Variants in SEMA3A observed in about 807,000 individuals in gnomAD.
SEMA3A encodes the protein semaphorin-3A.
In SEMA3A, 29 loss-of-function variants were observed where a neutral mutation model predicts 97.9. That is an observed-to-expected ratio of 0.30 (90% CI 0.22 to 0.40). The LOEUF is 0.40. Among genes scored for constraint, SEMA3A ranks in the 10% least tolerant of loss-of-function variants. SEMA3A has a pLI of 1.00. For synonymous variants in SEMA3A, 321 were observed against 323.7 expected (o/e 0.99, Z 0.09); for missense variants, 763 against 951.3 (o/e 0.80, Z 2.60).
At chr7:84,085,418 C>T (rs1524881) in intron 4 of SEMA3A, among the ~76,000 whole-genome samples, 62,535 of 151,124 alleles carry the variant, frequency 0.41, 14,788 homozygotes, top group Non-Finnish European at 0.52. Flanking sequence ...AAAAAGTAAA[C>T]TAGTGGGCTG....
intron 1 of SEMA3A, among the ~76,000 whole-genome samples, chr7:84,177,586 A>G (rs1352158839): frequency 2.6e-5 from 4 of 152,112 alleles, no homozygotes; most frequent in Non-Finnish European, 5.9e-5. Context: ...CTCACTTTTT[A>G]TAAAGTATAT....
At chr7:84,278,962 T>C (rs1015709084) in intron 3 of SEMA3A, among the ~76,000 whole-genome samples, 1 of 152,116 alleles carries the variant, frequency 6.6e-6, no homozygotes, top group South Asian at 2.1e-4. Flanking sequence ...GAGATGATAA[T>C]AGTAATTATT....
At chr7:84,296,626 T>C (rs1268773030) in intron 3 of SEMA3A, among the ~76,000 whole-genome samples, 2 of 152,146 alleles carry the variant, frequency 1.3e-5, no homozygotes, top group East Asian at 1.9e-4. Flanking sequence ...TTTTTTCTAA[T>C]GGTATAAACA....
intron 5 of SEMA3A, among the ~76,000 whole-genome samples, chr7:84,057,761 T>G (rs915335648): frequency 6.7e-6 from 1 of 150,290 alleles, no homozygotes; most frequent in Non-Finnish European, 1.5e-5. Context: ...GATAAATAAA[T>G]AAATAAATAA....
intron 4 of SEMA3A, among the ~76,000 whole-genome samples, chr7:84,097,744 T>C (rs1327929408): frequency 6.6e-6 from 1 of 152,190 alleles, no homozygotes; most frequent in Non-Finnish European, 1.5e-5. Flanking sequence ...TACCAAATAT[T>C]CTATCATTTT....
chr7:84,041,025 T>C (rs1026609586), intron 6 of SEMA3A, among the ~76,000 whole-genome samples: 16 of 152,100 alleles, frequency 1.1e-4, no homozygotes, highest in Admixed American at 9.2e-4. Flanking sequence ...CTGAGAGTTG[T>C]ATGTTTTAGC....
chr7:84,056,072 T>C (rs369361445), intron 5 of SEMA3A, among the ~76,000 whole-genome samples: 10 of 152,288 alleles, frequency 6.6e-5, no homozygotes, highest in African/African-American at 2.4e-4. Context: ...AAATAATATA[T>C]TGAACTAAGA....
intron 3 of SEMA3A, among the ~76,000 whole-genome samples, chr7:84,226,843 G>A (rs58804537): frequency 0.045 from 6,912 of 152,072 alleles, 158 homozygotes; most frequent in Middle Eastern, 0.068. Flanking sequence ...CCTAATGGCT[G>A]TGGCATTTTG....
intron 1 of SEMA3A, among the ~76,000 whole-genome samples, chr7:84,471,213 C>T (rs2116410325): frequency 6.6e-6 from 1 of 152,050 alleles, no homozygotes; most frequent in South Asian, 2.1e-4. Flanking sequence ...TTATGAGTGG[C>T]CTTGCAGGTA....
At chr7:84,388,225 C>T (rs770221495) in intron 1 of SEMA3A, among the ~76,000 whole-genome samples, 1 of 151,862 alleles carries the variant, frequency 6.6e-6, no homozygotes, top group African/African-American at 2.4e-5. Context: ...TGAGCTTAAG[C>T]TTTTGCAAGA....
At chr7:84,284,349 G>C (rs1800527899) in intron 3 of SEMA3A, among the ~76,000 whole-genome samples, 1 of 152,108 alleles carries the variant, frequency 6.6e-6, no homozygotes, top group South Asian at 2.1e-4. Flanking sequence ...CATTTTCTAA[G>C]TATCACATTC....
At chr7:84,056,346 C>G (rs1357774290) in intron 5 of SEMA3A, among the ~76,000 whole-genome samples, 1 of 152,096 alleles carries the variant, frequency 6.6e-6, no homozygotes, top group African/African-American at 2.4e-5. Flanking sequence ...AAAAATGTGG[C>G]TTAGATCAGT....
intron 3 of SEMA3A, among the ~76,000 whole-genome samples, chr7:84,256,204 C>G (rs1256397379): frequency 6.6e-6 from 1 of 152,022 alleles, no homozygotes; most frequent in Non-Finnish European, 1.5e-5. Flanking sequence ...GTTGCTTTAA[C>G]ATACCTAGTA....
intron 2 of SEMA3A, among the ~76,000 whole-genome samples, chr7:84,312,714 A>AGTTGATTT (rs1159987067): frequency 1.3e-5 from 2 of 149,560 alleles, no homozygotes; most frequent in South Asian, 4.2e-4. Flanking sequence ...AATCCTTATT[A>AGTTGATTT]GTTGATTTGT....
Position 84,418,440 on chromosome 7 carries a change from C to A in SEMA3A, c.-245-46540G>T, listed in dbSNP as rs1520103. On this transcript the variant is annotated intron_variant, in intron 1 of 3. Coordinates refer to the SEMA3A transcript ENST00000424555. ...TCCATTACCTCCCACCAGGTCCCACCCACAACATGTGGGAATTATGGGAGC... is the reference window on the plus strand; with the variant it reads ...TCCATTACCTCCCACCAGGTCCCACACACAACATGTGGGAATTATGGGAGC... Among the ~76,000 whole-genome samples, 93 of 152,122 alleles carry A rather than the reference C, an allele frequency of 6.1e-4. 3 individuals are homozygous for A. The East Asian group carries it at 0.013, about 21-fold the overall frequency.
At chr7:83,975,035 T>C (rs567714122) in intron 15 of SEMA3A, among the ~76,000 whole-genome samples, 2 of 152,320 alleles carry the variant, frequency 1.3e-5, no homozygotes, top group Admixed American at 6.5e-5. Flanking sequence ...TAAGCCATTC[T>C]ATATGCCAAA....
intron 3 of SEMA3A, among the ~76,000 whole-genome samples, chr7:84,123,735 TTAA>T (rs1252281699): frequency 2.8e-5 from 4 of 145,002 alleles, no homozygotes; most frequent in African/African-American, 1.0e-4. Flanking sequence ...ATATATATAT[TTAA>T]AATATACAAT....
chr7:84,178,817 A>C (rs2116228822), intron 1 of SEMA3A, among the ~76,000 whole-genome samples: 1 of 152,252 alleles, frequency 6.6e-6, no homozygotes, highest in South Asian at 2.1e-4. Context: ...CCCTGAACTT[A>C]TTTGATACAA....
At chr7:83,966,613 G>T (rs1295650656) in intron 15 of SEMA3A, among the ~76,000 whole-genome samples, 3 of 152,144 alleles carry the variant, frequency 2.0e-5, no homozygotes, top group African/African-American at 7.2e-5. Flanking sequence ...TCACGATCAA[G>T]ATACAGCGAT....
Sources: gnomAD v4.1 joint callset for allele counts (sites outside exome capture counted in the v4.1 genomes callset) on GRCh38, gnomAD v4.1.1 for gene constraint, MANE v1.5 for transcripts, NCBI Gene and HGNC (gene_info 2026-07-23, HGNC 2026-07-21) for gene names.